The following DPP10 variants were observed in gnomAD, a reference collection of about 807,000 sequenced individuals.
DPP10 encodes the protein dipeptidyl peptidase like 10, also known as inactive dipeptidyl peptidase 10.
In DPP10, 33 loss-of-function variants were observed where a neutral mutation model predicts 120.9. The observed-to-expected ratio is 0.27, with a 90% confidence interval of 0.21 to 0.37. The LOEUF is 0.37. Ranked by LOEUF, DPP10 falls within the 10% of genes least tolerant of loss-of-function variation. The probability of loss-of-function intolerance (pLI) is 1.00; values close to 1 mark genes in which losing one functional copy is unlikely to be tolerated. For missense variants in DPP10, 816 were observed against 942.8 expected (o/e 0.87, Z 1.76); for synonymous variants, 337 against 326.1 (o/e 1.03, Z -0.36).
At chr2:115,262,528 G>A (rs558368479) in intron 1 of DPP10, among the ~76,000 whole-genome samples, 24 of 152,066 alleles carry the variant, frequency 1.6e-4, no homozygotes, top group African/African-American at 5.5e-4. Flanking sequence ...ATTGTGATAT[G>A]TACATCTACA....
intron 21 of DPP10, among the ~76,000 whole-genome samples, chr2:115,816,404 G>GA (rs1238203233): frequency 3.9e-5 from 6 of 151,984 alleles, no homozygotes; most frequent in Non-Finnish European, 5.9e-5. Flanking sequence ...ATTCTCCACA[G>GA]AAAAAAACTA....
intron 3 of DPP10, among the ~76,000 whole-genome samples, chr2:115,423,502 A>G (rs1247378154): frequency 6.6e-6 from 1 of 152,164 alleles, no homozygotes; most frequent in African/African-American, 2.4e-5. Context: ...TTCTTTGTAT[A>G]TAGAGAGAGC....
At chr2:115,251,514 C>G (rs1293099978) in intron 1 of DPP10, among the ~76,000 whole-genome samples, 2 of 152,130 alleles carry the variant, frequency 1.3e-5, no homozygotes, top group African/African-American at 2.4e-5. Flanking sequence ...AGCTCTAAGT[C>G]TCTTCAACCC....
intron 1 of DPP10, among the ~76,000 whole-genome samples, chr2:114,981,314 CA>C (rs1464933450): frequency 6.6e-6 from 1 of 151,212 alleles, no homozygotes; most frequent in Non-Finnish European, 1.5e-5. Context: ...TTTGTTGAAT[CA>C]ATATAATGGA....
chr2:115,597,142 CAGG>C (rs146731230), intron 5 of DPP10, among the ~76,000 whole-genome samples: 2,135 of 152,200 alleles, frequency 0.014, 56 homozygotes, highest in African/African-American at 0.049. Flanking sequence ...ACAAACACAA[CAGG>C]AGGAGACAGT....
rs146482694 is a variant in DPP10, at chr2:115,139,817, C to T, written c.61-169422C>T. Among the ~76,000 whole-genome samples the T allele has an allele frequency of 4.7e-3, 705 of 150,980 alleles. 8 individuals carry two copies. Among genetic ancestry groups the T allele is most frequent in the African/African-American group, 0.016 (660 of 41,162 alleles). On this transcript the variant is annotated intron_variant, in intron 1 of 25. Coordinates refer to ENST00000410059, the MANE Select transcript of DPP10 (RefSeq NM_020868.6). ...CTGTGCTGATGATACATGAATCAGC[C>T]TCCTCCCATCAGTACAGTGAACTTG...
chr2:115,166,453 G>T (rs998193432), intron 1 of DPP10, among the ~76,000 whole-genome samples: 4 of 128,956 alleles, frequency 3.1e-5, no homozygotes, highest in African/African-American at 1.2e-4. Context: ...GAGAAAATAT[G>T]CATTTCCTAC....
At chr2:115,169,582 ACTTAGAGT>A (rs2053161093) in intron 1 of DPP10, among the ~76,000 whole-genome samples, 1 of 152,154 alleles carries the variant, frequency 6.6e-6, no homozygotes, top group South Asian at 2.1e-4. Context: ...TTCACAAAAG[ACTTAGAGT>A]CTTGTTTGAT....
chr2:115,035,683 T>G (rs1345591544), intron 1 of DPP10, among the ~76,000 whole-genome samples: 1 of 152,202 alleles, frequency 6.6e-6, no homozygotes, highest in East Asian at 1.9e-4. Context: ...AAATATAAAT[T>G]GGTAGGAATT....
At chr2:115,276,244 C>T (rs2059917553) in intron 1 of DPP10, among the ~76,000 whole-genome samples, 1 of 152,020 alleles carries the variant, frequency 6.6e-6, no homozygotes, top group Admixed American at 6.5e-5. Context: ...TTGGGACAAT[C>T]GCCTTTAAAG....
chr2:114,541,157 C>T lies in DPP10; in HGVS notation c.60+98319C>T, dbSNP rs765026389. Among the ~76,000 whole-genome samples, 9 of 152,216 alleles carry T rather than the reference C, an allele frequency of 5.9e-5. No individual in the cohort carries two copies. The South Asian group carries it at 6.2e-4, about 10-fold the overall frequency. On this transcript the variant is annotated intron_variant, in intron 1 of 25. Coordinates refer to ENST00000410059, the MANE Select transcript of DPP10 (RefSeq NM_020868.6). ...GTGATTTCCGATGGGGGCGAAGTCACGGCTTTTCGCAACTACTCTGTATTT... is the reference window on the plus strand; with the variant it reads ...GTGATTTCCGATGGGGGCGAAGTCATGGCTTTTCGCAACTACTCTGTATTT...
At chr2:115,326,461 C>T (rs1290606903) in intron 2 of DPP10, among the ~76,000 whole-genome samples, 1 of 151,976 alleles carries the variant, frequency 6.6e-6, no homozygotes, top group Non-Finnish European at 1.5e-5. Context: ...TAATATACTA[C>T]ACTTTTATTA....
At chr2:114,929,231 C>G (rs1695881096) in intron 1 of DPP10, among the ~76,000 whole-genome samples, 2 of 152,130 alleles carry the variant, frequency 1.3e-5, no homozygotes, top group African/African-American at 4.8e-5. Flanking sequence ...ATCACAAGGC[C>G]AGGGCGAAAT....
intron 1 of DPP10, among the ~76,000 whole-genome samples, chr2:114,880,860 C>T (rs1215203426): frequency 6.6e-6 from 1 of 152,086 alleles, no homozygotes; most frequent in Non-Finnish European, 1.5e-5. Context: ...GAATTGTATG[C>T]ATTCGTATTG....
At chr2:115,629,971 A>T (rs1338100931) in intron 5 of DPP10, among the ~76,000 whole-genome samples, 1 of 152,206 alleles carries the variant, frequency 6.6e-6, no homozygotes, top group African/African-American at 2.4e-5. Context: ...AGGGAATAAC[A>T]TCGAATGTAT....
chr2:114,710,562 T>G (rs1330629018), intron 1 of DPP10, among the ~76,000 whole-genome samples: 1 of 152,090 alleles, frequency 6.6e-6, no homozygotes, highest in Non-Finnish European at 1.5e-5. Flanking sequence ...CTGGCCAACA[T>G]GGCAAAACCC....
At chr2:115,454,779 A>T (rs1192942891) in intron 3 of DPP10, among the ~76,000 whole-genome samples, 1 of 151,684 alleles carries the variant, frequency 6.6e-6, no homozygotes, top group Non-Finnish European at 1.5e-5. Flanking sequence ...AGAGAAATGT[A>T]CAATTATTTT....
At chr2:114,483,392 T>G (rs1156798595) in intron 1 of DPP10, among the ~76,000 whole-genome samples, 2 of 152,054 alleles carry the variant, frequency 1.3e-5, no homozygotes, top group Non-Finnish European at 2.9e-5. Flanking sequence ...GGCCATAGCA[T>G]TCAGCTTCCC....
At chr2:114,447,852 A>T (rs894558492) in intron 1 of DPP10, among the ~76,000 whole-genome samples, 6 of 152,204 alleles carry the variant, frequency 3.9e-5, no homozygotes, top group African/African-American at 1.4e-4. Flanking sequence ...AAATAAGGAT[A>T]TTTTATGTGT....
Sources: gnomAD v4.1 joint callset for allele counts (sites outside exome capture counted in the v4.1 genomes callset) on GRCh38, gnomAD v4.1.1 for gene constraint, MANE v1.5 for transcripts, NCBI Gene and HGNC (gene_info 2026-07-23, HGNC 2026-07-21) for gene names.